The following PFKFB3 variants were observed in gnomAD, a reference collection of about 807,000 sequenced individuals.
PFKFB3 encodes the protein 6-phosphofructo-2-kinase/fructose-2,6-bisphosphatase 3.
PFKFB3 carries 33 observed loss-of-function variants against 68.0 expected under a neutral mutation model. That is an observed-to-expected ratio of 0.49 (90% confidence interval 0.37 to 0.65). PFKFB3 has a LOEUF of 0.65. Ranked by LOEUF, PFKFB3 falls within the 30% of genes least tolerant of loss-of-function variation. PFKFB3 has a pLI of 0.00. For synonymous variants in PFKFB3, 315 were observed against 288.2 expected (o/e 1.09, Z -0.94); for missense variants, 586 against 712.2 (o/e 0.82, Z 2.02).
At chr10:6,183,078 C>T (rs1842765034) in intron 1 of PFKFB3, among the ~76,000 whole-genome samples, 2 of 152,218 alleles carry the variant, frequency 1.3e-5, no homozygotes, top group Non-Finnish European at 2.9e-5. Flanking sequence ...TTCTGTGTCA[C>T]ACCTCTGTTC....
At chr10:6,316,588 G>A in the PFKFB3 span, among the ~76,000 whole-genome samples, 1 of 152,036 alleles carries the variant, frequency 6.6e-6, no homozygotes. Flanking sequence ...AAGGGATCCT[G>A]TGCCTCAACC....
intron 1 of PFKFB3, among the ~76,000 whole-genome samples, chr10:6,148,685 ACACGGAGAGGAAAGTCATGCATAT>A (rs1293815758): frequency 3.3e-5 from 5 of 152,222 alleles, no homozygotes; most frequent in Admixed American, 3.3e-4. Context: ...CTTCAGCTGG[ACACGGAGAGGAAAGTCATGCATAT>A]CATGACTAAC....
chr10:6,262,229 C>A, the PFKFB3 span, among the ~76,000 whole-genome samples: 4 of 151,302 alleles, frequency 2.6e-5, no homozygotes, highest in Non-Finnish European at 4.4e-5. Context: ...CTGAGGCGGG[C>A]GGATCACGAG....
At chr10:6,247,003 C>T (rs1846277052) in intron 14 of PFKFB3, among the ~76,000 whole-genome samples, 1 of 152,242 alleles carries the variant, frequency 6.6e-6, no homozygotes, top group Non-Finnish European at 1.5e-5. Flanking sequence ...CAGACCCGGA[C>T]ATGCAACAAG....
At chr10:6,147,937 C>G (rs768118939) in intron 1 of PFKFB3, among the ~76,000 whole-genome samples, 5 of 152,090 alleles carry the variant, frequency 3.3e-5, no homozygotes, top group Non-Finnish European at 5.9e-5. Flanking sequence ...AACAGAGAAG[C>G]AACCAAAGAT....
the PFKFB3 span, among the ~76,000 whole-genome samples, chr10:6,302,135 A>T: frequency 2.0e-5 from 3 of 151,518 alleles, no homozygotes; most frequent in Admixed American, 2.0e-4. Flanking sequence ...GCTCACTGCA[A>T]CTTCTGTCTC....
the PFKFB3 span, among the ~76,000 whole-genome samples, chr10:6,299,550 TGTTA>T: frequency 1.3e-5 from 2 of 152,218 alleles, no homozygotes; most frequent in African/African-American, 2.4e-5. Context: ...AGGGATATAT[TGTTA>T]GTTCCCGTCT....
chr10:6,241,811 G>A (rs896129327), intron 14 of PFKFB3, among the ~76,000 whole-genome samples: 1 of 150,628 alleles, frequency 6.6e-6, no homozygotes, highest in African/African-American at 2.4e-5. Flanking sequence ...TTCTAATGGT[G>A]GTTTTCTTTT....
rs1472492820 is a variant in PFKFB3, at chr10:6,203,184, C to T, written c.-77C>T. 3.2e-6 allele frequency: 5 copies of T among 1,558,322 alleles called. No individual in the cohort carries two copies. The highest frequency in any genetic ancestry group is 2.4e-5 in the South Asian group (2 of 84,890). On this transcript the variant is annotated 5_prime_UTR_variant, in exon 1 of 15. Transcript: ENST00000379775. The stretch of plus-strand genomic sequence containing the variant: ...CACGCCCCCCTCTCCTCCTTTGTTC[C>T]GGGGGTCGGCGGCCGCTCTCCTGCC...
At chr10:6,149,788 A>G (rs551789341) in intron 1 of PFKFB3, 7 of 154,248 alleles carry the variant, frequency 4.5e-5, no homozygotes, top group African/African-American at 1.7e-4. Context: ...TCCCCAATAG[A>G]GGAGGACTCA....
At chr10:6,249,483 A>T (rs1000377264) in intron 14 of PFKFB3, among the ~76,000 whole-genome samples, 1 of 152,260 alleles carries the variant, frequency 6.6e-6, no homozygotes, top group African/African-American at 2.4e-5. Context: ...AAGATATGGC[A>T]TATATACAAA....
At chr10:6,295,062 T>C in the PFKFB3 span, among the ~76,000 whole-genome samples, 1 of 152,060 alleles carries the variant, frequency 6.6e-6, no homozygotes, top group African/African-American at 2.4e-5. Flanking sequence ...GATTGATCTC[T>C]AGTGTGTTTA....
chr10:6,298,200 G>A, the PFKFB3 span, among the ~76,000 whole-genome samples: 1 of 152,128 alleles, frequency 6.6e-6, no homozygotes, highest in African/African-American at 2.4e-5. Context: ...TTTAAGCCAA[G>A]CCAAACACAC....
chr10:6,307,456 G>A, the PFKFB3 span, among the ~76,000 whole-genome samples: 45 of 152,116 alleles, frequency 3.0e-4, no homozygotes, highest in Non-Finnish European at 2.9e-5. Context: ...ACATTTCTAT[G>A]TACTGAGAAT....
intron 1 of PFKFB3, among the ~76,000 whole-genome samples, chr10:6,196,276 G>T (rs1218361660): frequency 6.6e-6 from 1 of 151,998 alleles, no homozygotes; most frequent in Non-Finnish European, 1.5e-5. Flanking sequence ...GACCACAGGC[G>T]CCTGCTACCA....
the PFKFB3 span, among the ~76,000 whole-genome samples, chr10:6,309,997 T>C: frequency 2.0e-5 from 3 of 152,238 alleles, no homozygotes; most frequent in Non-Finnish European, 4.4e-5. Flanking sequence ...CAGCTTGGAT[T>C]GACGGGCATT....
the PFKFB3 span, among the ~76,000 whole-genome samples, chr10:6,269,718 T>C: frequency 1.3e-5 from 2 of 152,148 alleles, no homozygotes; most frequent in Admixed American, 6.6e-5. Flanking sequence ...ATGGCTCATA[T>C]TTCTGGTCAC....
At chr10:6,209,094 C>T (rs113800954) in intron 1 of PFKFB3, among the ~76,000 whole-genome samples, 172 of 152,338 alleles carry the variant, frequency 1.1e-3, no homozygotes, top group Non-Finnish European at 2.1e-3. Context: ...GCCCAGTGAG[C>T]GAGCGTGTCA....
At chr10:6,192,825 A>G (rs1439243857) in intron 1 of PFKFB3, among the ~76,000 whole-genome samples, 1 of 152,042 alleles carries the variant, frequency 6.6e-6, no homozygotes, top group Non-Finnish European at 1.5e-5. Flanking sequence ...CACAGTTACA[A>G]AAAGTGCTCA....
Sources: gnomAD v4.1 joint callset for allele counts (sites outside exome capture counted in the v4.1 genomes callset) on GRCh38, gnomAD v4.1.1 for gene constraint, MANE v1.5 for transcripts, NCBI Gene and HGNC (gene_info 2026-07-23, HGNC 2026-07-21) for gene names.